The following THOC7 variants were observed in gnomAD, a reference collection of about 807,000 sequenced individuals.
THOC7 encodes THO complex subunit 7.
Under a neutral mutation model 33.1 loss-of-function variants are expected in THOC7, and 22 were observed. The ratio of observed to expected loss-of-function variants is 0.66; its 90% CI spans 0.47 to 0.95. The LOEUF (loss-of-function observed/expected upper bound fraction) is 0.95, where lower values mean the gene tolerates loss of function less well. THOC7 is among the 40% of genes least tolerant of loss of function. The pLI is 0.00. For missense variants in THOC7, 184 were observed against 245.3 expected, an observed-to-expected ratio of 0.75 and a Z score of 1.67; for synonymous variants, 77 against 76.8, an observed-to-expected ratio of 1.00 and a Z score of -0.01.
At chr3:63,854,615 G>A (rs1229684680) in intron 1 of THOC7, 2 of 152,190 alleles carry the variant, frequency 1.3e-5, no homozygotes, top group Non-Finnish European at 2.9e-5. Flanking sequence ...CACCTGCTGT[G>A]AGGATGGTGG....
At chr3:63,843,848 C>A (rs1701824851) in intron 1 of THOC7, among the ~76,000 whole-genome samples, 1 of 151,984 alleles carries the variant, frequency 6.6e-6, no homozygotes, top group Non-Finnish European at 1.5e-5. Context: ...TTGCAGTGAA[C>A]CGAGATCACG....
At chr3:63,853,292 G>T (rs946072611) in intron 1 of THOC7, among the ~76,000 whole-genome samples, 1 of 152,002 alleles carries the variant, frequency 6.6e-6, no homozygotes, top group African/African-American at 2.4e-5. Context: ...CACTAGTTCT[G>T]GCAGCACAGG....
At chr3:63,848,339 A>C (rs890123732) in intron 1 of THOC7, 1 of 152,130 alleles carries the variant, frequency 6.6e-6, no homozygotes, top group Admixed American at 6.5e-5. Flanking sequence ...ATTTCAACCC[A>C]GAAATTCCTT....
rs199867618 is a variant in THOC7 at position 63,834,195 on chromosome 3, A to C, written c.552T>G (p.Asp184Glu). Reference protein sequence around the residue: ...IHELQQTLENDEKLSEVEEAQ... With the variant: ...IHELQQTLENEEKLSEVEEAQ... Reference sequence around the variant, plus strand: ...CTTCTTCTACCTCTGAGAGTTTTTCATCATCTGTAATTGAGAAGGAAACAT... The same window carrying C: ...CTTCTTCTACCTCTGAGAGTTTTTCCTCATCTGTAATTGAGAAGGAAACAT... Residue 184 changes from aspartate (D) to glutamate (E), a missense_variant, in exon 8 of 8, where the codon GAT becomes GAG. By Grantham distance (45) the Asp-to-Glu change is conservative. Transcript: ENST00000295899. The C allele has an allele frequency of 1.2e-6, 2 of 1,613,994 alleles. No individual in the cohort carries two copies. Among genetic ancestry groups the C allele is most frequent in the East Asian group, 2.2e-5 (1 of 44,858 alleles).
chr3:63,850,866 C>T (rs958409005), intron 1 of THOC7, among the ~76,000 whole-genome samples: 4 of 152,136 alleles, frequency 2.6e-5, no homozygotes, highest in African/African-American at 7.2e-5. Flanking sequence ...GGATTACAGG[C>T]GTGAGCCACT....
intron 1 of THOC7, among the ~76,000 whole-genome samples, chr3:63,857,147 C>A (rs1392419411): frequency 6.6e-6 from 1 of 152,110 alleles, no homozygotes; most frequent in African/African-American, 2.4e-5. Flanking sequence ...GATACTTTTA[C>A]CTTTTAGAGG....
intron 1 of THOC7, chr3:63,848,598 G>C (rs1404160992): frequency 6.6e-6 from 1 of 152,190 alleles, no homozygotes; most frequent in Non-Finnish European, 1.5e-5. Context: ...GCTGTGGCAT[G>C]TCTTTAACCT....
intron 1 of THOC7, among the ~76,000 whole-genome samples, chr3:63,858,141 A>G (rs531538744): frequency 1.3e-5 from 2 of 152,196 alleles, no homozygotes; most frequent in Admixed American, 6.5e-5. Flanking sequence ...CTAGTTGGTG[A>G]CCACACAACC....
chr3:63,863,634 G>T, intron 1 of THOC7, 138 bp downstream of exon 1: 1 of 1,206,990 alleles, frequency 8.3e-7, no homozygotes, highest in Non-Finnish European at 1.0e-6. Flanking sequence ...CCGGGGAGAG[G>T]TCGGGAAGGC....
intron 1 of THOC7, among the ~76,000 whole-genome samples, chr3:63,861,211 T>C (rs1659002244): frequency 1.3e-5 from 2 of 152,158 alleles, no homozygotes; most frequent in African/African-American, 4.8e-5. Flanking sequence ...AGGGTAGAGA[T>C]TCCTGTGGCT....
At chr3:63,835,801 CAG>C (rs1170827060) in intron 5 of THOC7, among the ~76,000 whole-genome samples, 2 of 152,074 alleles carry the variant, frequency 1.3e-5, no homozygotes, top group African/African-American at 4.8e-5. Context: ...ACCTCCCACT[CAG>C]GCAACTACTA....
chr3:63,853,800 C>T (rs1227345663), intron 1 of THOC7, among the ~76,000 whole-genome samples: 2 of 151,194 alleles, frequency 1.3e-5, no homozygotes, highest in Non-Finnish European at 2.9e-5. Context: ...CCCAGCTATT[C>T]GGGAAGCTGA....
chr3:63,855,293 TCAG>T (rs1702094960), intron 1 of THOC7, among the ~76,000 whole-genome samples: 1 of 149,026 alleles, frequency 6.7e-6, no homozygotes, highest in Non-Finnish European at 1.5e-5. Context: ...TCTTTCAAAA[TCAG>T]TTTAAAATCA....
chr3:63,837,900 T>G (rs1413616611), intron 4 of THOC7, 76 bp downstream of exon 4: 45 of 1,350,476 alleles, frequency 3.3e-5, no homozygotes, highest in Non-Finnish European at 4.0e-5. Flanking sequence ...AGATTTTACC[T>G]CACAACATTA....
intron 1 of THOC7, among the ~76,000 whole-genome samples, chr3:63,851,497 C>T (rs1187334121): frequency 6.6e-6 from 1 of 152,170 alleles, no homozygotes; most frequent in Non-Finnish European, 1.5e-5. Flanking sequence ...TGTCACCAAA[C>T]CTAGACTAAG....
Position 63,835,380 on chromosome 3 carries a change from C to A in THOC7, c.421G>T (p.Ala141Ser), listed in dbSNP as rs1437441906. 1 of 1,613,184 alleles carries A rather than the reference C, an allele frequency of 6.2e-7. No homozygotes were observed. The highest frequency in any genetic ancestry group is 1.7e-5 in the Admixed American group (1 of 59,984). Residue 141 changes from alanine to serine, a missense_variant, in exon 6 of 8, where the codon GCT (alanine) becomes TCT (serine). Physicochemically the swap from Ala to Ser is moderately conservative, Grantham distance 99. Transcript: ENST00000295899. ...DRHETLKELE[A>S]LGKELEHLSH... The stretch of plus-strand genomic sequence containing the variant: ...AGATGCTCTAATTCTTTTCCCAGAG[C>A]CTCTAGTTCCCTGGAAATAATAAAA...
At chr3:63,852,338 T>A (rs1702036410) in intron 1 of THOC7, among the ~76,000 whole-genome samples, 1 of 152,048 alleles carries the variant, frequency 6.6e-6, no homozygotes, top group Non-Finnish European at 1.5e-5. Context: ...ATAAAAGGGG[T>A]TACACCAAGA....
chr3:63,861,609 A>C (rs1286469889), intron 1 of THOC7: 1 of 152,056 alleles, frequency 6.6e-6, no homozygotes, highest in Non-Finnish European at 1.5e-5. Flanking sequence ...CTCTATAACT[A>C]CTATCTGTGC....
intron 1 of THOC7, among the ~76,000 whole-genome samples, chr3:63,842,357 A>G (rs1701783036): frequency 6.6e-6 from 1 of 152,152 alleles, no homozygotes; most frequent in Non-Finnish European, 1.5e-5. Flanking sequence ...CTTATACACT[A>G]TTGGTGGAAT....
Sources: gnomAD v4.1 joint callset for allele counts (sites outside exome capture counted in the v4.1 genomes callset) on GRCh38, gnomAD v4.1.1 for gene constraint, MANE v1.5 for transcripts, NCBI Gene and HGNC (gene_info 2026-07-23, HGNC 2026-07-21) for gene names.